SNX2: variants seen among roughly 807,000 people sequenced by gnomAD.
SNX2 encodes the protein sorting nexin-2.
SNX2 carries 25 observed loss-of-function variants against 69.9 expected under a neutral mutation model. That is an observed-to-expected ratio of 0.36 (90% CI 0.26 to 0.50). The LOEUF is 0.50. Among genes scored for constraint, SNX2 ranks in the 20% least tolerant of loss-of-function variants. The pLI, the probability that SNX2 is intolerant of heterozygous loss-of-function variation, is 0.97. For missense variants in SNX2, 551 were observed against 613.3 expected, an observed-to-expected ratio of 0.90 and a Z score of 1.07; for synonymous variants, 229 against 200.4, an observed-to-expected ratio of 1.14 and a Z score of -1.20.
chr5:122,826,541 A>T (rs537069560), intron 12 of SNX2: 13 of 371,426 alleles, frequency 3.5e-5, no homozygotes, highest in Non-Finnish European at 3.7e-5. Flanking sequence ...TGTCCAGGCA[A>T]CATTATCCCC....
chr5:122,792,537 C>T (rs1243715111), intron 1 of SNX2, among the ~76,000 whole-genome samples: 1 of 149,740 alleles, frequency 6.7e-6, no homozygotes, highest in Non-Finnish European at 1.5e-5. Context: ...GTGGAGGTTA[C>T]AGTGAGCCGA....
chr5:122,801,330 C>T (rs376584518), intron 3 of SNX2, among the ~76,000 whole-genome samples: 5 of 152,170 alleles, frequency 3.3e-5, no homozygotes, highest in Non-Finnish European at 7.4e-5. Context: ...TTGGGCTGGG[C>T]GCAGTGGTTC....
At chr5:122,814,434 G>A (rs1053258768) in intron 7 of SNX2, among the ~76,000 whole-genome samples, 7 of 152,096 alleles carry the variant, frequency 4.6e-5, no homozygotes, top group African/African-American at 1.7e-4. Flanking sequence ...CTAGTATAAT[G>A]ACTTCTTATG....
intron 13 of SNX2, 26 bp downstream of exon 13, chr5:122,827,485 C>T (rs1274873387): frequency 6.2e-7 from 1 of 1,607,452 alleles, no homozygotes; most frequent in Admixed American, 1.7e-5. Flanking sequence ...TTGCATTTAT[C>T]TTAACAACAT....
chr5:122,775,259 C>A, intron 1 of SNX2, 48 bp downstream of exon 1: 1 of 1,514,348 alleles, frequency 6.6e-7, no homozygotes, highest in Non-Finnish European at 8.9e-7. Context: ...TGCCGCGCGT[C>A]TCACCTTTCC....
Position 122,829,696 on chromosome 5 carries a change from T to G in SNX2, c.*48T>G, listed in dbSNP as rs772333454. The G allele has an allele frequency of 1.9e-5, 28 of 1,457,944 alleles. No homozygotes were observed. Among genetic ancestry groups the G allele is most frequent in the Non-Finnish European group, 2.5e-5 (26 of 1,038,056 alleles). The allele number at this position is 1,457,944 out of a possible 1,614,324, so 90.3% of individuals were successfully genotyped here. On this transcript the variant is annotated 3_prime_UTR_variant, in exon 15 of 15. Transcript: ENST00000379516. ...AAGACCTTGGATGTTGTTCCAGTTA[T>G]GCTGGATTCCACAGTGAAATCATTT...
At chr5:122,792,060 T>C (rs979257994) in intron 1 of SNX2, among the ~76,000 whole-genome samples, 9 of 152,226 alleles carry the variant, frequency 5.9e-5, no homozygotes, top group Admixed American at 5.9e-4. Context: ...ACTTGTTCTT[T>C]AAATTCCTTC....
rs1297818977 is a variant in SNX2, at chr5:122,795,352, A to G, written c.195A>G (p.Val65=). The change falls in exon 2 of 15, where the codon GTA becomes GTG. Residue 65 remains valine (V), a synonymous_variant. Transcript: ENST00000379516. ...ATGGCCCAAAACCCACAGAAGTTGT[A>G]TTAGATGATGACAGAGAAGATCTTT... ...NSNGPKPTEV[V]LDDDREDLFA... is the part of the protein sequence containing the mutation. The G allele has an allele frequency of 3.7e-6, 6 of 1,613,190 alleles. No individual in the cohort carries two copies. Among genetic ancestry groups the G allele is most frequent in the Middle Eastern group, 1.7e-4 (1 of 6,058 alleles).
chr5:122,827,270 T>C, intron 12 of SNX2, 109 bp from the exon 13 acceptor site: 1 of 859,568 alleles, frequency 1.2e-6, no homozygotes, highest in Non-Finnish European at 1.8e-6. Context: ...ATTGCCAATA[T>C]TGAGCTTTCT....
In SNX2 at chr5:122,829,831, C is replaced by T; in HGVS notation, c.*183C>T. 1.7e-6 allele frequency: 1 copy of T among 599,878 alleles called. No individual in the cohort carries two copies. Among genetic ancestry groups the T allele is most frequent in the Non-Finnish European group, 3.0e-6 (1 of 331,886 alleles). The allele number at this position is 599,878 out of a possible 1,614,324, so 37.2% of individuals were successfully genotyped here. ...ACACACTCTGACATTTTATTACAAG[C>T]TGCATGTCCTGACCCTCTTTGAATT... On this transcript the variant is annotated 3_prime_UTR_variant, in exon 15 of 15. Coordinates refer to ENST00000379516, the MANE Select transcript of SNX2 (RefSeq NM_003100.4).
intron 14 of SNX2, chr5:122,827,849 A>C (rs186969629): frequency 2.0e-6 from 1 of 507,072 alleles, no homozygotes; most frequent in East Asian, 3.2e-5. Context: ...TCTGCTTAAC[A>C]CTAAGGCAGA....
At chr5:122,775,668 G>T in intron 1 of SNX2, 3 of 986,884 alleles carry the variant, frequency 3.0e-6, no homozygotes, top group Non-Finnish European at 2.4e-6. Context: ...CCGAGGGTCT[G>T]TGGGGAACGA....
rs374379233 is a variant in SNX2, at chr5:122,826,125, G to A, written c.1288G>A (p.Ala430Thr). 28 of 1,613,156 alleles carry A rather than the reference G, an allele frequency of 1.7e-5. No individual in the cohort carries two copies. Among genetic ancestry groups the A allele is most frequent in the Non-Finnish European group, 2.3e-5 (27 of 1,179,392 alleles). ...AQITLLKKRE[A>T]EAKMMVANKP... is the part of the protein sequence containing the mutation. ...AATTACTTTGCTCAAAAAACGTGAA[G>A]CTGAAGCAAAAATGATGGTTGCTAA... The change falls in exon 12 of 15, where the codon GCT becomes ACT. Residue 430 changes from alanine (A) to threonine (T), a missense_variant. Physicochemically the swap from Ala to Thr is moderately conservative, Grantham distance 58. Around this residue, in one of 2 missense-constraint regions of SNX2, gnomAD observed 360 missense variants for 450.4 expected, o/e 0.80. Transcript: ENST00000379516.
intron 11 of SNX2, among the ~76,000 whole-genome samples, chr5:122,824,766 C>T (rs1057513956): frequency 5.9e-5 from 9 of 152,104 alleles, no homozygotes; most frequent in Non-Finnish European, 1.2e-4. Flanking sequence ...CTAACCTATC[C>T]TTTGCACTTT....
chr5:122,785,347 T>G, intron 1 of SNX2, among the ~76,000 whole-genome samples: 1 of 151,878 alleles, frequency 6.6e-6, no homozygotes, highest in Admixed American at 6.6e-5. Context: ...GGAGTCACAC[T>G]ATGTTGCCCA....
At chr5:122,812,369 C>T (rs1034705809) in intron 7 of SNX2, among the ~76,000 whole-genome samples, 3 of 117,168 alleles carry the variant, frequency 2.6e-5, no homozygotes, top group Non-Finnish European at 5.0e-5. Flanking sequence ...TCTCAAACAC[C>T]CTAGGCATTT....
intron 11 of SNX2, among the ~76,000 whole-genome samples, chr5:122,819,318 C>T (rs1351256669): frequency 3.3e-5 from 5 of 152,142 alleles, no homozygotes; most frequent in Non-Finnish European, 5.9e-5. Context: ...TTTGTTTGCT[C>T]GTTCTAGCAC....
At chr5:122,802,971 A>T (rs955627136) in intron 5 of SNX2, among the ~76,000 whole-genome samples, 1 of 152,182 alleles carries the variant, frequency 6.6e-6, no homozygotes, top group African/African-American at 2.4e-5. Flanking sequence ...GAGGATGAGG[A>T]TGACAGTTGT....
rs145331844 is a variant in SNX2 at position 122,779,228 on chromosome 5, A to G, written c.108+4017A>G. On this transcript the variant is annotated intron_variant, in intron 1 of 14. Coordinates refer to ENST00000379516, the MANE Select transcript of SNX2 (RefSeq NM_003100.4). ...CAATTTAATGGTTTCTAGTGTATTC[A>G]CAGATATGCCCAACATCACCTCAGT... is the stretch of plus-strand genomic sequence containing the variant. 1.6e-3 allele frequency among the ~76,000 whole-genome samples: 237 copies of G among 152,300 alleles called. 2 individuals are homozygous for G. Among genetic ancestry groups the G allele is most frequent in the South Asian group, 0.015 (73 of 4,828 alleles).
Sources: gnomAD v4.1 joint callset for allele counts (sites outside exome capture counted in the v4.1 genomes callset) on GRCh38, gnomAD v4.1.1 for gene constraint, gnomAD v4.1.1 regional missense constraint, MANE v1.5 for transcripts, NCBI Gene and HGNC (gene_info 2026-07-23, HGNC 2026-07-21) for gene names.